ADGRG5: variants seen among roughly 807,000 people sequenced by gnomAD.
ADGRG5 encodes the protein adhesion G protein-coupled receptor G5.
A neutral mutation model predicts 53.2 loss-of-function variants in ADGRG5; 37 were observed. That is an observed-to-expected ratio of 0.70 (90% CI 0.53 to 0.91). ADGRG5 has a LOEUF of 0.91. ADGRG5 is among the 40% of genes least tolerant of loss of function. The pLI, the probability that ADGRG5 is intolerant of heterozygous loss-of-function variation, is 0.00. For synonymous variants in ADGRG5, 277 were observed against 290.4 expected, an observed-to-expected ratio of 0.95 and a Z score of 0.47; for missense variants, 614 against 675.8, an observed-to-expected ratio of 0.91 and a Z score of 1.01.
intron 9 of ADGRG5, among the ~76,000 whole-genome samples, 185 bp from the exon 10 acceptor site, chr16:57,570,233 A>G (rs1254924348): frequency 6.6e-6 from 1 of 152,140 alleles, no homozygotes; most frequent in Non-Finnish European, 1.5e-5. Flanking sequence ...CGTCACTAAC[A>G]TCATCTTGGA....
chr16:57,540,382 G>T (rs1354422799), upstream of ADGRG5, among the ~76,000 whole-genome samples: 2 of 152,144 alleles, frequency 1.3e-5, no homozygotes, highest in Non-Finnish European at 2.9e-5. Context: ...TCCTGTCGGG[G>T]TCCCACCTAC....
At chr16:57,562,285 G>A (rs2033022995) in intron 2 of ADGRG5, 99 bp from the exon 3 acceptor site, 1 of 1,406,862 alleles carries the variant, frequency 7.1e-7, no homozygotes, top group African/African-American at 1.4e-5. Flanking sequence ...AGCAGGAGCT[G>A]CTTGTGAACT....
intron 1 of ADGRG5, among the ~76,000 whole-genome samples, chr16:57,551,198 T>A (rs2032743898): frequency 6.6e-6 from 1 of 152,138 alleles, no homozygotes; most frequent in Non-Finnish European, 1.5e-5. Flanking sequence ...TGGTGGAAAG[T>A]CTTGCCTTGA....
chr16:57,532,196 G>A, the ADGRG5 span, among the ~76,000 whole-genome samples: 1 of 152,194 alleles, frequency 6.6e-6, no homozygotes, highest in Non-Finnish European at 1.5e-5. Context: ...AGAGAGTCAT[G>A]TTTGCTAGGT....
intron 11 of ADGRG5, 47 bp downstream of exon 11, chr16:57,575,139 A>G (rs777747527): frequency 3.1e-5 from 48 of 1,572,670 alleles, no homozygotes; most frequent in Non-Finnish European, 3.9e-5. Flanking sequence ...CAGGGGGTGT[A>G]TGGCTGGTGG....
chr16:57,565,258 C>T (rs1214323092), intron 6 of ADGRG5, 108 bp downstream of exon 6: 12 of 662,016 alleles, frequency 1.8e-5, no homozygotes, highest in Non-Finnish European at 3.0e-5. Context: ...CTTGGAAATC[C>T]ATCACACTTT....
intron 7 of ADGRG5, among the ~76,000 whole-genome samples, 156 bp from the exon 8 acceptor site, chr16:57,567,314 T>A (rs1310674898): frequency 5.3e-5 from 8 of 152,086 alleles, no homozygotes; most frequent in African/African-American, 1.9e-4. Context: ...GGGGCAAAAC[T>A]GACTGTATCT....
chr16:57,534,652 C>T, the ADGRG5 span, among the ~76,000 whole-genome samples: 19 of 152,268 alleles, frequency 1.2e-4, no homozygotes, highest in African/African-American at 4.6e-4. Flanking sequence ...ACAGCAGATG[C>T]GTGATGGATG....
intron 1 of ADGRG5, among the ~76,000 whole-genome samples, chr16:57,547,682 TGATC>T (rs1212255121): frequency 6.6e-6 from 1 of 152,170 alleles, no homozygotes; most frequent in Non-Finnish European, 1.5e-5. Flanking sequence ...CCTGACCTTG[TGATC>T]CGCGCCTGCC....
chr16:57,557,336 G>A (rs1231158964), intron 1 of ADGRG5, among the ~76,000 whole-genome samples: 1 of 152,172 alleles, frequency 6.6e-6, no homozygotes, highest in Admixed American at 6.5e-5. Flanking sequence ...CTTGTAGTTC[G>A]TATCTTTTAT....
upstream of ADGRG5, among the ~76,000 whole-genome samples, chr16:57,540,922 C>A (rs140779478): frequency 2.8e-3 from 425 of 152,248 alleles, 1 homozygote; most frequent in Non-Finnish European, 5.0e-3. Context: ...TCCCGAGTAC[C>A]TAGAATTACA....
At chr16:57,537,548 G>A in the ADGRG5 span, among the ~76,000 whole-genome samples, 1 of 152,194 alleles carries the variant, frequency 6.6e-6, no homozygotes, top group Non-Finnish European at 1.5e-5. Context: ...TGAGTATGTA[G>A]CATCCTTCCC....
At chr16:57,530,022 C>T in the ADGRG5 span, among the ~76,000 whole-genome samples, 1 of 152,160 alleles carries the variant, frequency 6.6e-6, no homozygotes, top group Non-Finnish European at 1.5e-5. Flanking sequence ...ATGATTACCT[C>T]CATTTATGGT....
In ADGRG5 at chr16:57,575,482, G is replaced by A; in HGVS notation, c.1531G>A (p.Glu511Lys). 6.2e-7 allele frequency: 1 copy of A among 1,614,212 alleles called. No homozygotes were observed. The highest frequency in any genetic ancestry group is 8.5e-7 in the Non-Finnish European group (1 of 1,180,016). The change falls in exon 12 of 12, where the codon GAA becomes AAA. Residue 511 changes from glutamate to lysine, a missense_variant. Glu to Lys is a moderately conservative substitution (Grantham distance 56). Transcript: ENST00000349457. ...LWFCSQRCRS[E>K]AEAKAQIEAF... The stretch of plus-strand genomic sequence containing the variant: ...GTTCTGCTCCCAGCGGTGCCGCTCA[G>A]AAGCAGAGGCCAAGGCACAGATAGA...
intron 10 of ADGRG5, among the ~76,000 whole-genome samples, chr16:57,572,728 A>G (rs1244515844): frequency 1.3e-5 from 2 of 152,238 alleles, no homozygotes; most frequent in Non-Finnish European, 2.9e-5. Flanking sequence ...CTTGAAAATC[A>G]TTCAGATGTC....
chr16:57,570,334 C>G (rs2033313542), intron 9 of ADGRG5, 84 bp from the exon 10 acceptor site: 9 of 794,598 alleles, frequency 1.1e-5, no homozygotes, highest in Non-Finnish European at 1.7e-5. Flanking sequence ...CAGTGAAATT[C>G]TGTGTCAGCA....
In ADGRG5 at chr16:57,570,463, C is replaced by T. The variant is rs1342908417; in HGVS notation, c.1136C>T (p.Ser379Leu). Residue 379 changes from serine (S) to leucine (L), a missense_variant, in exon 10 of 12, where the codon TCG (serine) becomes TTG (leucine). Transcript: ENST00000349457. ...LVLLSLSVKS[S>L]VYGPCTIPVF... ...CTGCTTTCCCTCTCTGTCAAGAGCT[C>T]GGTATACGGACCCTGCACAATCCCC... The T allele has an allele frequency of 6.2e-6, 10 of 1,613,386 alleles. No homozygotes were observed. In the East Asian group the frequency reaches 6.7e-5, roughly 11 times the overall value.
intron 1 of ADGRG5, among the ~76,000 whole-genome samples, chr16:57,558,004 G>A (rs7187785): frequency 0.41 from 62,561 of 152,160 alleles, 13,666 homozygotes; most frequent in East Asian, 0.68. Flanking sequence ...ACTACCAGGC[G>A]TTGTGTGTAA....
At chr16:57,564,293 C>G (rs1365005386) in intron 5 of ADGRG5, among the ~76,000 whole-genome samples, 3 of 152,016 alleles carry the variant, frequency 2.0e-5, no homozygotes, top group African/African-American at 7.2e-5. Context: ...GTCTTGATGC[C>G]TAGACTAAGA....
Sources: allele counts gnomAD v4.1 joint callset (sites outside exome capture counted in the v4.1 genomes callset), GRCh38; gene constraint gnomAD v4.1.1; transcripts MANE v1.5; gene names NCBI Gene and HGNC (gene_info 2026-07-23, HGNC 2026-07-21).